Variants in CYREN observed in about 807,000 individuals in gnomAD.
The protein encoded by CYREN is cell cycle regulator of NHEJ, also known as cell cycle regulator of non-homologous end joining.
Under a neutral mutation model 9.7 loss-of-function variants are expected in CYREN, and 7 were observed. That is an observed-to-expected ratio of 0.72 (90% CI 0.41 to 1.36). CYREN has a LOEUF of 1.36. Among genes scored for constraint, CYREN ranks in the 40% most tolerant of loss-of-function variants. The probability of loss-of-function intolerance (pLI) is 0.01; values close to 1 mark genes in which losing one functional copy is unlikely to be tolerated. For missense variants in CYREN, 215 were observed against 198.1 expected (o/e 1.09, Z -0.51); for synonymous variants, 76 against 77.9 (o/e 0.98, Z 0.13).
exon 3 of CYREN, chr7:135,092,636 T>C (rs1467496770): frequency 6.6e-6 from 1 of 152,116 alleles, no homozygotes; most frequent in African/African-American, 2.4e-5. Context: ...TATTGTGTTA[T>C]GGGGTTACAT....
chr7:135,114,998 C>T (rs1302997059), intron 2 of CYREN, among the ~76,000 whole-genome samples: 1 of 152,122 alleles, frequency 6.6e-6, no homozygotes, highest in East Asian at 1.9e-4. Context: ...TCTTGGTGTT[C>T]TTGAACACAC....
At chr7:135,107,069 T>C (rs1824835010) in intron 2 of CYREN, among the ~76,000 whole-genome samples, 1 of 152,174 alleles carries the variant, frequency 6.6e-6, no homozygotes, top group Admixed American at 6.6e-5. Context: ...CCTTTGTCAT[T>C]CCTTATTGTG....
intron 2 of CYREN, among the ~76,000 whole-genome samples, chr7:135,145,056 A>G (rs922027179): frequency 6.6e-6 from 1 of 151,756 alleles, no homozygotes; most frequent in African/African-American, 2.4e-5. Context: ...CAAAACCACC[A>G]AAATAATTTA....
At chr7:135,163,871 G>C (rs1023877185), downstream of CYREN, among the ~76,000 whole-genome samples, 1 of 152,190 alleles carries the variant, frequency 6.6e-6, no homozygotes. Flanking sequence ...GAGCTTCAGA[G>C]CTTCAGAAAC....
chr7:135,152,646 G>C (rs1829692308), intron 2 of CYREN, among the ~76,000 whole-genome samples: 1 of 152,196 alleles, frequency 6.6e-6, no homozygotes, highest in Non-Finnish European at 1.5e-5. Context: ...TCTCACTAAA[G>C]TTAGATTCCT....
At chr7:135,140,089 C>G (rs1397043727) in intron 2 of CYREN, among the ~76,000 whole-genome samples, 1 of 148,190 alleles carries the variant, frequency 6.7e-6, no homozygotes, top group African/African-American at 2.5e-5. Context: ...TTTTTTTTTT[C>G]TAATTCTGTA....
chr7:135,096,192 C>T (rs1822659316), intron 2 of CYREN, among the ~76,000 whole-genome samples: 1 of 151,892 alleles, frequency 6.6e-6, no homozygotes, highest in East Asian at 1.9e-4. Context: ...TGTGAGTTAA[C>T]TGTTTTGCTT....
chr7:135,100,558 T>A (rs1823682063), intron 2 of CYREN, among the ~76,000 whole-genome samples: 1 of 152,206 alleles, frequency 6.6e-6, no homozygotes, highest in African/African-American at 2.4e-5. Context: ...GCTTCTCTTC[T>A]AAGAACTCAG....
chr7:135,131,239 C>G (rs920961254), intron 2 of CYREN, among the ~76,000 whole-genome samples: 3 of 152,050 alleles, frequency 2.0e-5, no homozygotes, highest in African/African-American at 7.2e-5. Flanking sequence ...CACATGTTTT[C>G]ACTCATAAGT....
chr7:135,124,556 C>T (rs1303120876), intron 2 of CYREN, among the ~76,000 whole-genome samples: 2 of 152,230 alleles, frequency 1.3e-5, no homozygotes, highest in Non-Finnish European at 2.9e-5. Flanking sequence ...ATCTAATAGA[C>T]ATCTACAGAA....
At chr7:135,154,729 A>G (rs1829746273) in intron 2 of CYREN, among the ~76,000 whole-genome samples, 2 of 152,194 alleles carry the variant, frequency 1.3e-5, no homozygotes, top group Admixed American at 1.3e-4. Flanking sequence ...TATAATTTCA[A>G]TTTTTAAAAA....
At chr7:135,129,503 G>T (rs1828431861) in intron 2 of CYREN, 7 of 772,548 alleles carry the variant, frequency 9.1e-6, no homozygotes, top group Admixed American at 1.7e-5. Context: ...CTCCCATAGA[G>T]AAATTAGATG....
chr7:135,122,699 A>T (rs1827308365), intron 2 of CYREN, among the ~76,000 whole-genome samples: 1 of 152,140 alleles, frequency 6.6e-6, no homozygotes, highest in South Asian at 2.1e-4. Context: ...CTTCTTTGCT[A>T]TTCTCCAGCC....
intron 2 of CYREN, among the ~76,000 whole-genome samples, chr7:135,122,685 C>G (rs1827305287): frequency 6.6e-6 from 1 of 152,204 alleles, no homozygotes; most frequent in African/African-American, 2.4e-5. Flanking sequence ...AAGGAGCAGG[C>G]ACCCTTCTTT....
chr7:135,172,132 G>A (rs1189485687), upstream of CYREN, among the ~76,000 whole-genome samples: 1 of 152,174 alleles, frequency 6.6e-6, no homozygotes, highest in Non-Finnish European at 1.5e-5. Flanking sequence ...GTGGAAGCGT[G>A]GCCTGATCAC....
intron 3 of CYREN, chr7:135,167,229 C>T (rs1585370639): frequency 1.8e-6 from 2 of 1,115,768 alleles, no homozygotes; most frequent in East Asian, 5.6e-5. Flanking sequence ...AAAAGTCCCA[C>T]ACCACAGGGT....
At chr7:135,168,413 G>A (rs1316064248) in intron 2 of CYREN, 2 of 235,760 alleles carry the variant, frequency 8.5e-6, no homozygotes, top group South Asian at 7.5e-5. Context: ...TGTCCACAGG[G>A]GCAGGCACCA....
intron 2 of CYREN, among the ~76,000 whole-genome samples, chr7:135,125,123 A>C (rs892494665): frequency 6.6e-6 from 1 of 151,996 alleles, no homozygotes; most frequent in Non-Finnish European, 1.5e-5. Context: ...CTGTTTTTTT[A>C]AAAAAATTAA....
upstream of CYREN, among the ~76,000 whole-genome samples, chr7:135,171,976 A>G (rs569702802): frequency 3.3e-5 from 5 of 152,240 alleles, no homozygotes; most frequent in Non-Finnish European, 7.3e-5. Context: ...GCTTGTCAAG[A>G]CTAGTTTTTG....
Sources: gnomAD v4.1 joint callset for allele counts (sites outside exome capture counted in the v4.1 genomes callset) on GRCh38, gnomAD v4.1.1 for gene constraint, MANE v1.5 for transcripts, NCBI Gene and HGNC (gene_info 2026-07-23, HGNC 2026-07-21) for gene names.